The following CDYL variants were observed in gnomAD, a reference collection of about 807,000 sequenced individuals.
The protein encoded by CDYL is chromodomain Y like.
CDYL carries 8 observed loss-of-function variants against 47.3 expected under a neutral mutation model. The ratio of observed to expected loss-of-function variants is 0.17; its 90% CI spans 0.10 to 0.31. The LOEUF (loss-of-function observed/expected upper bound fraction) is 0.31. CDYL is among the 10% of genes least tolerant of loss of function. The probability of loss-of-function intolerance (pLI) is 1.00; values close to 1 mark genes in which losing one functional copy is unlikely to be tolerated. For missense variants in CDYL, 471 were observed against 701.4 expected (o/e 0.67, Z 3.71); for synonymous variants, 266 against 265.0 (o/e 1.00, Z -0.04).
chr6:4,919,317 A>AT (rs201284327), intron 2 of CDYL, among the ~76,000 whole-genome samples: 1 of 152,076 alleles, frequency 6.6e-6, no homozygotes, highest in Admixed American at 6.5e-5. Flanking sequence ...AAAAAAAAAA[A>AT]GAAGTAAGAG....
At chr6:4,927,005 C>T (rs1197432290) in intron 2 of CDYL, among the ~76,000 whole-genome samples, 1 of 152,046 alleles carries the variant, frequency 6.6e-6, no homozygotes, top group African/African-American at 2.4e-5. Flanking sequence ...CTTATTGACC[C>T]GTATTTTTAA....
At chr6:4,728,738 G>A (rs1233424681) in intron 2 of CDYL, among the ~76,000 whole-genome samples, 1 of 152,158 alleles carries the variant, frequency 6.6e-6, no homozygotes, top group Non-Finnish European at 1.5e-5. Flanking sequence ...TGGTTGTAAA[G>A]AGATCAGAAA....
intron 1 of CDYL, among the ~76,000 whole-genome samples, chr6:4,838,088 T>G (rs138621366): frequency 6.6e-6 from 1 of 152,222 alleles, no homozygotes; most frequent in Non-Finnish European, 1.5e-5. Flanking sequence ...GTAAATATTC[T>G]TGATACATTT....
At chr6:4,881,787 AC>A (rs1366627650) in intron 1 of CDYL, among the ~76,000 whole-genome samples, 1 of 152,212 alleles carries the variant, frequency 6.6e-6, no homozygotes, top group African/African-American at 2.4e-5. Flanking sequence ...TTCCATCGGT[AC>A]CATTTTGCTT....
chr6:4,932,246 C>G (rs1758053017), intron 2 of CDYL, among the ~76,000 whole-genome samples: 1 of 152,202 alleles, frequency 6.6e-6, no homozygotes, highest in Admixed American at 6.5e-5. Flanking sequence ...CCTCATAATT[C>G]TGGAGAGAAC....
chr6:4,905,869 CAG>C (rs1228073642), intron 2 of CDYL, among the ~76,000 whole-genome samples: 1 of 152,166 alleles, frequency 6.6e-6, no homozygotes, highest in Admixed American at 6.5e-5. Flanking sequence ...GGGATCAAGT[CAG>C]GGCTTTTAGG....
At chr6:4,880,124 A>G (rs958729286) in intron 1 of CDYL, among the ~76,000 whole-genome samples, 5 of 151,928 alleles carry the variant, frequency 3.3e-5, no homozygotes, top group Admixed American at 6.6e-5. Context: ...GTATAACAAC[A>G]TGGATCTAGT....
chr6:4,802,878 G>A (rs773325485), intron 1 of CDYL, among the ~76,000 whole-genome samples: 10 of 152,038 alleles, frequency 6.6e-5, no homozygotes, highest in Non-Finnish European at 1.0e-4. Flanking sequence ...TCTCTTTTCC[G>A]GCATCTCACT....
Position 4,895,025 on chromosome 6 carries a change from ATG to A in CDYL, c.691+2650_691+2651del, listed in dbSNP as rs1298999351. 7.9e-5 allele frequency among the ~76,000 whole-genome samples: 12 copies of A among 151,372 alleles called. 1 individual carries two copies. The highest frequency in any genetic ancestry group is 3.9e-4 in the Admixed American group (6 of 15,218). ...TGTATGTTTATACATATATGTATGT[ATG>A]TGTATATATGTATCTATATACACAT... On this transcript the variant is annotated intron_variant, in intron 2 of 6. Coordinates refer to ENST00000397588, the MANE Select transcript of CDYL (RefSeq NM_004824.4).
intron 2 of CDYL, among the ~76,000 whole-genome samples, chr6:4,913,253 CTTA>C (rs1229324826): frequency 6.6e-6 from 1 of 151,928 alleles, no homozygotes; most frequent in Non-Finnish European, 1.5e-5. Flanking sequence ...AACACTCTTC[CTTA>C]TTATTTAATT....
chr6:4,735,241 C>G (rs1339235581), intron 3 of CDYL, among the ~76,000 whole-genome samples: 1 of 150,222 alleles, frequency 6.7e-6, no homozygotes, highest in Non-Finnish European at 1.5e-5. Flanking sequence ...AGCTGAGATT[C>G]ATTACATCGT....
intron 2 of CDYL, among the ~76,000 whole-genome samples, chr6:4,718,972 G>A (rs1561821463): frequency 6.6e-6 from 1 of 151,572 alleles, no homozygotes; most frequent in East Asian, 1.9e-4. Flanking sequence ...TGCCCAGGCT[G>A]GAGTGCAATG....
At chr6:4,919,307 A>T (rs1454736347) in intron 2 of CDYL, among the ~76,000 whole-genome samples, 1 of 145,770 alleles carries the variant, frequency 6.9e-6, no homozygotes, top group Non-Finnish European at 1.5e-5. Flanking sequence ...TCCAGGATAT[A>T]AAAAAAAAAA....
chr6:4,730,117 A>C (rs1172548989), intron 2 of CDYL, among the ~76,000 whole-genome samples: 1 of 152,218 alleles, frequency 6.6e-6, no homozygotes, highest in East Asian at 1.9e-4. Context: ...TGGGTGGCAC[A>C]GTGAAACCAG....
chr6:4,928,628 AAC>A (rs1170665197), intron 2 of CDYL: 1 of 151,802 alleles, frequency 6.6e-6, no homozygotes, highest in Non-Finnish European at 1.5e-5. Flanking sequence ...ATCTTTGCAA[AAC>A]AGATTGGATG....
rs189362962 is a variant in CDYL at position 4,919,346 on chromosome 6, C to G, written c.692-16169C>G. On this transcript the variant is annotated intron_variant, in intron 2 of 6. Transcript: ENST00000397588. ...GTAAGAGTTTGTGAAGGTATTGTCTCTAAGCTAAGATAGCCTCAAAATTGG... is the reference window on the plus strand; with the variant it reads ...GTAAGAGTTTGTGAAGGTATTGTCTGTAAGCTAAGATAGCCTCAAAATTGG... Among the ~76,000 whole-genome samples, 90 of 152,230 alleles carry G rather than the reference C, an allele frequency of 5.9e-4. 2 individuals are homozygous for G. In the East Asian group the frequency reaches 0.015, roughly 25 times the overall value.
At chr6:4,762,372 A>G (rs1277286227) in intron 3 of CDYL, among the ~76,000 whole-genome samples, 1 of 152,222 alleles carries the variant, frequency 6.6e-6, no homozygotes, top group African/African-American at 2.4e-5. Context: ...ATATTTCTAC[A>G]TTTTGTAGAT....
chr6:4,904,599 C>CT (rs1179966183), intron 2 of CDYL, among the ~76,000 whole-genome samples: 1 of 152,320 alleles, frequency 6.6e-6, no homozygotes, highest in East Asian at 1.9e-4. Context: ...GTCCTCCCTA[C>CT]TTTATTATTT....
chr6:4,797,377 G>A (rs372425548), intron 1 of CDYL, among the ~76,000 whole-genome samples: 7 of 149,970 alleles, frequency 4.7e-5, no homozygotes, highest in South Asian at 4.2e-4. Flanking sequence ...TCTCTTCTAC[G>A]TGGGCTGTTT....
Sources: allele counts gnomAD v4.1 joint callset (sites outside exome capture counted in the v4.1 genomes callset), GRCh38; gene constraint gnomAD v4.1.1; transcripts MANE v1.5; gene names NCBI Gene and HGNC (gene_info 2026-07-23, HGNC 2026-07-21).